The following ATRNL1 variants were observed in gnomAD, a reference collection of about 807,000 sequenced individuals.
ATRNL1 encodes the protein attractin like 1, also known as attractin-like protein 1.
In ATRNL1, 95 loss-of-function variants were observed where a neutral mutation model predicts 182.7. The ratio of observed to expected loss-of-function variants is 0.52; its 90% CI spans 0.44 to 0.62. ATRNL1 has a LOEUF of 0.62. ATRNL1 is among the 20% of genes least tolerant of loss of function. ATRNL1 has a pLI of 0.00. For synonymous variants in ATRNL1, 576 were observed against 568.3 expected, an observed-to-expected ratio of 1.01 and a Z score of -0.19; for missense variants, 1,471 against 1,679.5, an observed-to-expected ratio of 0.88 and a Z score of 2.17.
At chr10:115,868,939 C>G (rs1951509116) in intron 28 of ATRNL1, among the ~76,000 whole-genome samples, 1 of 149,262 alleles carries the variant, frequency 6.7e-6, no homozygotes, top group African/African-American at 2.5e-5. Flanking sequence ...ACGCCATTCT[C>G]CTGCCTCAGC....
chr10:115,618,630 T>C (rs1050794141), intron 26 of ATRNL1, among the ~76,000 whole-genome samples: 3 of 152,088 alleles, frequency 2.0e-5, no homozygotes, highest in Non-Finnish European at 4.4e-5. Flanking sequence ...CTATCTTTTG[T>C]ATTTTTTATT....
intron 24 of ATRNL1, among the ~76,000 whole-genome samples, chr10:115,508,316 G>T (rs537483715): frequency 1.1e-3 from 168 of 152,054 alleles, no homozygotes; most frequent in Non-Finnish European, 1.2e-3. Context: ...TTTTCATTGA[G>T]ACACAGCAAT....
intron 26 of ATRNL1, among the ~76,000 whole-genome samples, chr10:115,618,629 G>T (rs1857561304): frequency 6.6e-6 from 1 of 150,522 alleles, no homozygotes; most frequent in African/African-American, 2.4e-5. Flanking sequence ...GCTATCTTTT[G>T]TATTTTTTAT....
At chr10:115,267,942 A>G (rs555011847) in intron 12 of ATRNL1, among the ~76,000 whole-genome samples, 1 of 152,038 alleles carries the variant, frequency 6.6e-6, no homozygotes, top group East Asian at 1.9e-4. Flanking sequence ...TTGTATTTTT[A>G]GTAGAGATGG....
intron 1 of ATRNL1, among the ~76,000 whole-genome samples, chr10:115,112,220 A>T (rs536288990): frequency 6.6e-6 from 1 of 152,222 alleles, no homozygotes; most frequent in Non-Finnish European, 1.5e-5. Context: ...TAAAATGTCT[A>T]TATTACCCAA....
intron 28 of ATRNL1, among the ~76,000 whole-genome samples, chr10:115,922,500 C>G (rs1009489503): frequency 1.3e-5 from 2 of 152,064 alleles, no homozygotes; most frequent in African/African-American, 4.8e-5. Flanking sequence ...GGTTTTTGCT[C>G]TGTCACCCAG....
At chr10:115,187,676 T>G (rs1314446550) in intron 8 of ATRNL1, among the ~76,000 whole-genome samples, 5 of 149,188 alleles carry the variant, frequency 3.4e-5, no homozygotes, top group South Asian at 2.1e-4. Flanking sequence ...CTTGGTTTTT[T>G]TTTTTTTTTT....
At chr10:115,222,997 T>C (rs1554897782) in intron 9 of ATRNL1, among the ~76,000 whole-genome samples, 1 of 152,170 alleles carries the variant, frequency 6.6e-6, no homozygotes, top group Non-Finnish European at 1.5e-5. Flanking sequence ...GTCTGAAAGT[T>C]GGTCGGGCAT....
chr10:115,764,728 A>G (rs1015992726), intron 27 of ATRNL1, among the ~76,000 whole-genome samples: 1 of 152,084 alleles, frequency 6.6e-6, no homozygotes, highest in African/African-American at 2.4e-5. Flanking sequence ...GCTGGAGTGC[A>G]ATGGTGCAAT....
intron 9 of ATRNL1, among the ~76,000 whole-genome samples, chr10:115,235,112 G>A (rs1564840708): frequency 6.6e-6 from 1 of 151,802 alleles, no homozygotes; most frequent in African/African-American, 2.4e-5. Flanking sequence ...GCCTCGTTTG[G>A]GTTTATCTGA....
At chr10:115,619,475 G>A (rs1857607390) in intron 26 of ATRNL1, among the ~76,000 whole-genome samples, 1 of 152,002 alleles carries the variant, frequency 6.6e-6, no homozygotes, top group African/African-American at 2.4e-5. Flanking sequence ...TGTGTCAGGG[G>A]TGGGTGCTGG....
In ATRNL1 at chr10:115,389,552, A is replaced by ATATATG. The variant is rs1554953832; in HGVS notation, c.3176-5102_3176-5101insGTATAT. ...CAAATGTGTATGTGTATATATATATATATATATATATATATATATATATAT... is the reference window on the plus strand; with the variant it reads ...CAAATGTGTATGTGTATATATATATATATATGTATATATATATATATATATATATAT... On this transcript the variant is annotated intron_variant, in intron 19 of 28. Transcript: ENST00000355044. Among the ~76,000 whole-genome samples the ATATATG allele has an allele frequency of 3.9e-3, 259 of 66,716 alleles. 16 individuals carry two copies. The highest frequency in any genetic ancestry group is 0.013 in the South Asian group (25 of 1,920). 43.8% of individuals were successfully genotyped at this position (66,716 alleles called of 152,430 possible). A position where few individuals can be genotyped will look rare whatever the true frequency, so the allele number is the denominator to read the frequency against.
intron 13 of ATRNL1, among the ~76,000 whole-genome samples, chr10:115,278,895 C>T (rs2133917909): frequency 6.6e-6 from 1 of 152,014 alleles, no homozygotes; most frequent in South Asian, 2.1e-4. Context: ...CAGATGGCTG[C>T]ATATGAACAT....
chr10:115,432,581 T>C (rs889987289), intron 21 of ATRNL1, among the ~76,000 whole-genome samples: 2 of 152,178 alleles, frequency 1.3e-5, no homozygotes, highest in East Asian at 3.8e-4. Context: ...GAGTGCAATG[T>C]GGTATTAACT....
rs191848407 is a variant in ATRNL1 at position 115,394,636 on chromosome 10, A to G, written c.3176-23A>G. On this transcript the variant is annotated intron_variant, in intron 19 of 28. Coordinates refer to ENST00000355044, the MANE Select transcript of ATRNL1 (RefSeq NM_207303.4). ...ATGTTTGTGATGTAGAATATTCAATATCATTTTGGTTTTGACTTACAGCTT... is the reference window on the plus strand; with the variant it reads ...ATGTTTGTGATGTAGAATATTCAATGTCATTTTGGTTTTGACTTACAGCTT... The G allele has an allele frequency of 2.4e-4, 366 of 1,529,728 alleles. No homozygotes were observed. In the African/African-American group the frequency reaches 4.6e-3, roughly 19 times the overall value. The allele number at this position is 1,529,728 out of a possible 1,614,324, so 94.8% of individuals were successfully genotyped here. A position where few individuals can be genotyped will look rare whatever the true frequency, so the allele number is the denominator to read the frequency against.
chr10:115,238,550 T>TA (rs1247262836), intron 9 of ATRNL1, among the ~76,000 whole-genome samples: 2 of 152,182 alleles, frequency 1.3e-5, no homozygotes, highest in Non-Finnish European at 2.9e-5. Flanking sequence ...TGCTGGTATA[T>TA]AAAAAATCAA....
chr10:115,209,201 A>G (rs1347860943), intron 8 of ATRNL1, among the ~76,000 whole-genome samples: 1 of 151,704 alleles, frequency 6.6e-6, no homozygotes, highest in East Asian at 1.9e-4. Flanking sequence ...ATTTCTCTTT[A>G]AAGAAAGAGA....
chr10:115,167,010 T>A (rs138322194), intron 7 of ATRNL1, among the ~76,000 whole-genome samples: 2,097 of 152,156 alleles, frequency 0.014, 43 homozygotes, highest in African/African-American at 0.047. Flanking sequence ...CTCTATATTT[T>A]CTCATAAGAG....
intron 21 of ATRNL1, among the ~76,000 whole-genome samples, chr10:115,449,968 G>T (rs377453036): frequency 2.0e-5 from 3 of 152,088 alleles, no homozygotes; most frequent in Admixed American, 1.3e-4. Context: ...AAGTAAGTAG[G>T]CTTCATCCCC....
Sources: allele counts gnomAD v4.1 joint callset (sites outside exome capture counted in the v4.1 genomes callset), GRCh38; gene constraint gnomAD v4.1.1; transcripts MANE v1.5; gene names NCBI Gene and HGNC (gene_info 2026-07-23, HGNC 2026-07-21).